The following ZNF483 variants were observed in gnomAD, a reference collection of about 807,000 sequenced individuals.
The protein encoded by ZNF483 is zinc finger protein 483.
A neutral mutation model predicts 28.6 loss-of-function variants in ZNF483; 9 were observed. The observed-to-expected ratio is 0.32, with a 90% CI of 0.19 to 0.55. ZNF483 has a LOEUF of 0.55. Ranked by LOEUF, ZNF483 falls within the 20% of genes least tolerant of loss-of-function variation. ZNF483 has a pLI of 0.93. For missense variants in ZNF483, 675 were observed against 871.7 expected (o/e 0.77, Z 2.84); for synonymous variants, 322 against 306.2 (o/e 1.05, Z -0.54).
downstream of ZNF483, among the ~76,000 whole-genome samples, chr9:111,557,843 A>G (rs1026067675): frequency 6.6e-6 from 1 of 152,204 alleles, no homozygotes; most frequent in African/African-American, 2.4e-5. Flanking sequence ...TCTGTGGTGA[A>G]GTATGTTAAA....
chr9:111,561,851 T>C (rs1036383933), intron 5 of ZNF483, among the ~76,000 whole-genome samples: 1 of 152,194 alleles, frequency 6.6e-6, no homozygotes. Flanking sequence ...ACCTAATATA[T>C]GCCAGGCATT....
In ZNF483 at chr9:111,544,975, T is replaced by C. The variant is rs927728095; in HGVS notation, c.*1805T>C. On this transcript the variant is annotated 3_prime_UTR_variant, in exon 6 of 6. Coordinates refer to ENST00000309235, the MANE Select transcript of ZNF483 (RefSeq NM_133464.5). Reference sequence around the variant, plus strand: ...GCTAAACCAGAAAACTCTTCACTTATGGAAGTAAAGCGATCCTTAATGCTA... The same window carrying C: ...GCTAAACCAGAAAACTCTTCACTTACGGAAGTAAAGCGATCCTTAATGCTA... Among the ~76,000 whole-genome samples the C allele has an allele frequency of 5.3e-5, 8 of 152,266 alleles. No individual in the cohort carries two copies. In the South Asian group the frequency reaches 6.2e-4, roughly 12 times the overall value.
chr9:111,538,945 C>T (rs147204150), intron 5 of ZNF483, among the ~76,000 whole-genome samples: 2 of 151,946 alleles, frequency 1.3e-5, no homozygotes, highest in East Asian at 1.9e-4. Flanking sequence ...AACCCCATCT[C>T]TACTAAAAAA....
intron 1 of ZNF483, among the ~76,000 whole-genome samples, chr9:111,526,449 T>C (rs1331501616): frequency 6.6e-6 from 1 of 151,966 alleles, no homozygotes; most frequent in Non-Finnish European, 1.5e-5. Context: ...ATATTTTGCA[T>C]GTTAGAAGGA....
intron 5 of ZNF483, among the ~76,000 whole-genome samples, chr9:111,568,506 T>C (rs1341966590): frequency 6.6e-6 from 1 of 152,212 alleles, no homozygotes; most frequent in East Asian, 1.9e-4. Flanking sequence ...ACATAGACCC[T>C]TATCAGTAAT....
rs1829070668 is a variant in ZNF483 at position 111,576,680 on chromosome 9, G to A, written c.*266G>A. The A allele has an allele frequency of 1.1e-5, 4 of 359,208 alleles. No individual in the cohort carries two copies. In the East Asian group the frequency reaches 1.8e-4, roughly 16 times the overall value. The allele number at this position is 359,208 out of a possible 1,614,324, so 22.3% of individuals were successfully genotyped here. A position where few individuals can be genotyped will look rare whatever the true frequency, so the allele number is the denominator to read the frequency against. ...GTCTATGTGAGATATGTGCAAACAT[G>A]TACATATTTCCCCTAGAAGCAATGG... On this transcript the variant is annotated 3_prime_UTR_variant, in exon 6 of 6. Transcript: ENST00000358151.
Position 111,541,772 on chromosome 9 carries a change from A to C in ZNF483, c.837A>C (p.Gly279=). ...CAGAGGAGGATCACGGTAATCAGGG[A>C]AATTCAAAAGGAAGAGTCGCACAAA... ...GSSEEDHGNQ[G]NSKGRVAQNK... Residue 279 remains glycine (G), a synonymous_variant, in exon 6 of 6, where the codon GGA becomes GGC. Coordinates refer to ENST00000309235, the MANE Select transcript of ZNF483 (RefSeq NM_133464.5). 1 of 1,614,188 alleles carries C rather than the reference A, an allele frequency of 6.2e-7. No individual in the cohort carries two copies. Among genetic ancestry groups the C allele is most frequent in the African/African-American group, 1.3e-5 (1 of 75,048 alleles).
chr9:111,528,549 G>C (rs1827238178), intron 2 of ZNF483, among the ~76,000 whole-genome samples: 1 of 152,004 alleles, frequency 6.6e-6, no homozygotes, highest in African/African-American at 2.4e-5. Context: ...CAAATTTGTA[G>C]CTATTTATGT....
rs376886454 is a variant in ZNF483 at position 111,529,868 on chromosome 9, G to A, written c.413-1007G>A. Among the ~76,000 whole-genome samples, 36 of 152,290 alleles carry A rather than the reference G, an allele frequency of 2.4e-4. No individual in the cohort carries two copies. In the South Asian group the frequency reaches 7.3e-3, roughly 31 times the overall value. On this transcript the variant is annotated intron_variant, in intron 2 of 5. Coordinates refer to ENST00000309235, the MANE Select transcript of ZNF483 (RefSeq NM_133464.5). Reference sequence around the variant, plus strand: ...TCTTAGAACCCTTGTAATTTCCTGGGTGATTAGAACAGTAAGAGTATCTTT... The same window carrying A: ...TCTTAGAACCCTTGTAATTTCCTGGATGATTAGAACAGTAAGAGTATCTTT...
chr9:111,545,914 A>C lies in ZNF483; in HGVS notation c.*2744A>C, dbSNP rs1827796510. Among the ~76,000 whole-genome samples the C allele has an allele frequency of 6.6e-6, 1 of 152,160 alleles. No individual in the cohort carries two copies. Among genetic ancestry groups the C allele is most frequent in the Non-Finnish European group, 1.5e-5 (1 of 68,014 alleles). ...GGACATGTTTTCATTTTTCTTAGGC[A>C]GATGCCTGAGGGGAGTTGCTAGGTC... On this transcript the variant is annotated 3_prime_UTR_variant, in exon 6 of 6. Transcript: ENST00000309235.
rs1444154887 is a variant in ZNF483, at chr9:111,551,520, G to C, written c.*8350G>C. On this transcript the variant is annotated 3_prime_UTR_variant, in exon 6 of 6. Coordinates refer to ENST00000309235, the MANE Select transcript of ZNF483 (RefSeq NM_133464.5). ...CCTCCTGGGTTCCAGCAATTCTCCT[G>C]CTTCAGCCTCCCCAGTAGCTGAGAT... Among the ~76,000 whole-genome samples, 1 of 143,148 alleles carries C rather than the reference G, an allele frequency of 7.0e-6. No homozygotes were observed. The highest frequency in any genetic ancestry group is 2.6e-5 in the African/African-American group (1 of 38,478). The allele number at this position is 143,148 out of a possible 152,430, so 93.9% of individuals were successfully genotyped here. A position where few individuals can be genotyped will look rare whatever the true frequency, so the allele number is the denominator to read the frequency against.
rs1018314011 is a variant in ZNF483 at position 111,548,186 on chromosome 9, G to A, written c.*5016G>A. Reference sequence around the variant, plus strand: ...TTAGGATGGTTTGTTTGTTTTTGTGGAAAATGGCATGAAGATTGGGCTTGC... The same window carrying A: ...TTAGGATGGTTTGTTTGTTTTTGTGAAAAATGGCATGAAGATTGGGCTTGC... On this transcript the variant is annotated 3_prime_UTR_variant, in exon 6 of 6. Coordinates refer to ENST00000309235, the MANE Select transcript of ZNF483 (RefSeq NM_133464.5). Among the ~76,000 whole-genome samples, 1 of 152,114 alleles carries A rather than the reference G, an allele frequency of 6.6e-6. No individual in the cohort carries two copies. The highest frequency in any genetic ancestry group is 6.6e-5 in the Admixed American group (1 of 15,254).
chr9:111,545,337 T>C lies in ZNF483; in HGVS notation c.*2167T>C, dbSNP rs1027975762. On this transcript the variant is annotated 3_prime_UTR_variant, in exon 6 of 6. Transcript: ENST00000309235. ...AAGAGGCTTGTTCCAAGATGATTAC[T>C]CTTAGACTCCCTAACATTCATAACA... Among the ~76,000 whole-genome samples, 4 of 152,220 alleles carry C rather than the reference T, an allele frequency of 2.6e-5. No homozygotes were observed. Among genetic ancestry groups the C allele is most frequent in the African/African-American group, 4.8e-5 (2 of 41,444 alleles).
chr9:111,543,630 G>GT lies in ZNF483; in HGVS notation c.*466dup, dbSNP rs1403396946. 2 of 985,532 alleles carry GT rather than the reference G, an allele frequency of 2.0e-6. No individual in the cohort carries two copies. The highest frequency in any genetic ancestry group is 6.2e-5 in the Admixed American group (1 of 16,216). 61.0% of individuals were successfully genotyped at this position (985,532 alleles called of 1,614,324 possible). A position where few individuals can be genotyped will look rare whatever the true frequency, so the allele number is the denominator to read the frequency against. ...GGATTAATGATTTTTGCCTTTTTTG[G>GT]TTTTTTAGTTTTTTATTGGTATCCT... is the stretch of plus-strand genomic sequence containing the variant. On this transcript the variant is annotated 3_prime_UTR_variant, in exon 6 of 6. Coordinates refer to ENST00000309235, the MANE Select transcript of ZNF483 (RefSeq NM_133464.5).
rs933384703 is a variant in ZNF483 at position 111,547,783 on chromosome 9, G to A, written c.*4613G>A. On this transcript the variant is annotated 3_prime_UTR_variant, in exon 6 of 6. Transcript: ENST00000309235. ...TTATAGTTTCAGGTCTTATGTTTAA[G>A]TCTTTTAACCATTTTGATTTTTATG... Among the ~76,000 whole-genome samples, 2 of 152,032 alleles carry A rather than the reference G, an allele frequency of 1.3e-5. No individual in the cohort carries two copies. The highest frequency in any genetic ancestry group is 2.9e-5 in the Non-Finnish European group (2 of 67,976).
rs1195816560 is a variant in ZNF483, at chr9:111,551,134, A to G, written c.*7964A>G. 6.6e-6 allele frequency among the ~76,000 whole-genome samples: 1 copy of G among 152,194 alleles called. No homozygotes were observed. The highest frequency in any genetic ancestry group is 1.5e-5 in the Non-Finnish European group (1 of 68,044). On this transcript the variant is annotated 3_prime_UTR_variant, in exon 6 of 6. Transcript: ENST00000309235. The stretch of plus-strand genomic sequence containing the variant: ...ACAGGTAAAATTAAAAATGTATTTT[A>G]CTTCACCCAATATATCCATAATATT...
intron 3 of ZNF483, 28 bp from the exon 4 acceptor site, chr9:111,533,711 A>G (rs1413575243): frequency 6.5e-7 from 1 of 1,538,322 alleles, no homozygotes. Context: ...GGAATAATCC[A>G]ATACAAAAGA....
intron 5 of ZNF483, among the ~76,000 whole-genome samples, chr9:111,537,389 A>G (rs1294160791): frequency 1.3e-5 from 2 of 151,466 alleles, no homozygotes; most frequent in Non-Finnish European, 2.9e-5. Context: ...GCCCAGCTAA[A>G]TTTTGTATTT....
chr9:111,541,990 A>C lies in ZNF483; in HGVS notation c.1055A>C (p.Lys352Thr), dbSNP rs751277393. 6.2e-7 allele frequency: 1 copy of C among 1,614,120 alleles called. No homozygotes were observed. The highest frequency in any genetic ancestry group is 8.5e-7 in the Non-Finnish European group (1 of 1,180,000). The change falls in exon 6 of 6, where the codon AAA becomes ACA. Residue 352 changes from lysine (K) to threonine (T), a missense_variant. Coordinates refer to ENST00000309235, the MANE Select transcript of ZNF483 (RefSeq NM_133464.5). Reference sequence around the variant, plus strand: ...GACCTTGTTCTGAACCGCAAGGAGAAAACCGCCGGAGAAAAGTCACGGAAA... The same window carrying C: ...GACCTTGTTCTGAACCGCAAGGAGACAACCGCCGGAGAAAAGTCACGGAAA... ...HSDLVLNRKE[K>T]TAGEKSRKSN...
Sources: allele counts gnomAD v4.1 joint callset (sites outside exome capture counted in the v4.1 genomes callset), GRCh38; gene constraint gnomAD v4.1.1; transcripts MANE v1.5; gene names NCBI Gene and HGNC (gene_info 2026-07-23, HGNC 2026-07-21).